Variants in NELL1 observed in about 807,000 individuals in gnomAD.
The protein encoded by NELL1 is neural EGFL like 1.
A neutral mutation model predicts 107.4 loss-of-function variants in NELL1; 76 were observed. The ratio of observed to expected loss-of-function variants is 0.71; its 90% CI spans 0.59 to 0.86. The LOEUF (loss-of-function observed/expected upper bound fraction) is 0.86, where lower values mean the gene tolerates loss of function less well. NELL1 is among the 40% of genes least tolerant of loss of function. The pLI is 0.00. For synonymous variants in NELL1, 353 were observed against 341.2 expected, an observed-to-expected ratio of 1.03 and a Z score of -0.38; for missense variants, 1,024 against 1,005.5, an observed-to-expected ratio of 1.02 and a Z score of -0.25.
intron 15 of NELL1, among the ~76,000 whole-genome samples, chr11:21,500,094 T>G (rs368199555): frequency 1.3e-5 from 2 of 152,162 alleles, no homozygotes; most frequent in East Asian, 3.8e-4. Flanking sequence ...GAATTTATTA[T>G]TTTGATCATC....
chr11:21,172,097 C>T (rs756777024), intron 13 of NELL1, among the ~76,000 whole-genome samples: 1 of 130,542 alleles, frequency 7.7e-6, no homozygotes, highest in Non-Finnish European at 1.7e-5. Flanking sequence ...CCAAGAAGGG[C>T]GTTTTAAAAA....
chr11:20,731,319 A>G (rs1297726806), intron 2 of NELL1, among the ~76,000 whole-genome samples: 1 of 152,226 alleles, frequency 6.6e-6, no homozygotes, highest in Non-Finnish European at 1.5e-5. Flanking sequence ...GCACAAATTA[A>G]GACCACATAG....
chr11:21,315,169 C>T (rs1849849349), intron 14 of NELL1, among the ~76,000 whole-genome samples: 1 of 152,092 alleles, frequency 6.6e-6, no homozygotes, highest in Non-Finnish European at 1.5e-5. Flanking sequence ...GAGCTCTTAA[C>T]CAGTACACAA....
At chr11:21,045,582 C>G (rs527471222) in intron 12 of NELL1, among the ~76,000 whole-genome samples, 212 of 152,268 alleles carry the variant, frequency 1.4e-3, no homozygotes, top group African/African-American at 4.8e-3. Flanking sequence ...CCAAGAAGCT[C>G]TGCTGGAAAG....
chr11:20,766,218 G>A (rs1055676304), intron 2 of NELL1, among the ~76,000 whole-genome samples: 2 of 152,178 alleles, frequency 1.3e-5, no homozygotes, highest in African/African-American at 4.8e-5. Flanking sequence ...TGGGCTGGAT[G>A]GCAGTAATAG....
At chr11:21,313,229 A>G (rs1250800023) in intron 14 of NELL1, among the ~76,000 whole-genome samples, 1 of 152,108 alleles carries the variant, frequency 6.6e-6, no homozygotes, top group African/African-American at 2.4e-5. Context: ...GATCTGTTGA[A>G]TCTATCAGCA....
intron 14 of NELL1, among the ~76,000 whole-genome samples, chr11:21,307,766 C>A (rs560624138): frequency 4.2e-4 from 64 of 152,006 alleles, no homozygotes; most frequent in Admixed American, 7.9e-4. Context: ...TATACTCTTT[C>A]AAAAGAGAGG....
At chr11:21,544,117 T>C (rs77386834) in intron 16 of NELL1, among the ~76,000 whole-genome samples, 18,875 of 151,978 alleles carry the variant, frequency 0.12, 1,236 homozygotes, top group Middle Eastern at 0.18. Flanking sequence ...TACAGGCATA[T>C]GGGGAGCCAG....
intron 12 of NELL1, among the ~76,000 whole-genome samples, chr11:21,068,469 G>T (rs1853933506): frequency 6.6e-6 from 1 of 152,140 alleles, no homozygotes. Context: ...AATTCTATAA[G>T]AATTAGAATC....
intron 15 of NELL1, among the ~76,000 whole-genome samples, chr11:21,460,237 T>G (rs1267808198): frequency 2.0e-5 from 3 of 152,056 alleles, no homozygotes; most frequent in African/African-American, 7.2e-5. Context: ...GGTAAATGTT[T>G]GTTGATTGGA....
At chr11:21,382,890 T>A (rs1280260329) in intron 15 of NELL1, among the ~76,000 whole-genome samples, 1 of 151,836 alleles carries the variant, frequency 6.6e-6, no homozygotes, top group Non-Finnish European at 1.5e-5. Context: ...TAATCCTATA[T>A]CCTGGGAAAT....
intron 2 of NELL1, among the ~76,000 whole-genome samples, chr11:20,688,320 GA>G (rs1243551012): frequency 6.6e-6 from 1 of 152,016 alleles, no homozygotes; most frequent in African/African-American, 2.4e-5. Context: ...GTGTATAATT[GA>G]TCTGGTTACC....
chr11:20,746,566 TCACACACACACACACACACA>T (rs10556247), intron 2 of NELL1, among the ~76,000 whole-genome samples: 4 of 149,380 alleles, frequency 2.7e-5, no homozygotes, highest in South Asian at 2.2e-4. Context: ...GTGACAGATT[TCACACACACACACACACACA>T]CACACACACA....
At position 20,988,887 on chromosome 11, in the gene NELL1, C is replaced by T. The variant is rs551524348; in HGVS notation, c.1300+28327C>T. ...ATAGGTATGAGCCACCGTGCCCGGC[C>T]GAGGTTTGCTATTTTCTCACCTTGG... is the stretch of plus-strand genomic sequence containing the variant. On this transcript the variant is annotated intron_variant, in intron 12 of 19. Transcript: ENST00000357134. Among the ~76,000 whole-genome samples, 8 of 152,156 alleles carry T rather than the reference C, an allele frequency of 5.3e-5. No homozygotes were observed. The South Asian group carries it at 1.5e-3, about 28-fold the overall frequency.
chr11:21,125,531 T>G (rs912663065), intron 13 of NELL1, among the ~76,000 whole-genome samples: 33 of 152,196 alleles, frequency 2.2e-4, no homozygotes, highest in African/African-American at 7.7e-4. Flanking sequence ...GAGATTGTGG[T>G]CTCTTTGGGA....
intron 4 of NELL1, among the ~76,000 whole-genome samples, chr11:20,874,893 T>C (rs1849273606): frequency 6.6e-6 from 1 of 152,258 alleles, no homozygotes; most frequent in Non-Finnish European, 1.5e-5. Context: ...GACCTTATTA[T>C]GGCCTCCCTA....
At chr11:20,806,670 A>G (rs1486217534) in intron 3 of NELL1, among the ~76,000 whole-genome samples, 1 of 152,064 alleles carries the variant, frequency 6.6e-6, no homozygotes, top group African/African-American at 2.4e-5. Flanking sequence ...CCAATAACTC[A>G]TAGATTTGCC....
intron 13 of NELL1, among the ~76,000 whole-genome samples, chr11:21,188,416 A>G (rs1365134138): frequency 1.3e-5 from 2 of 151,762 alleles, no homozygotes; most frequent in Non-Finnish European, 2.9e-5. Context: ...TAGCAGGTTT[A>G]TGTGTTGGCA....
At chr11:21,262,235 T>C (rs1442028353) in intron 14 of NELL1, among the ~76,000 whole-genome samples, 2 of 151,864 alleles carry the variant, frequency 1.3e-5, no homozygotes, top group Non-Finnish European at 1.5e-5. Flanking sequence ...CACAGTTTGG[T>C]TGATTTCCAG....
Sources: allele counts gnomAD v4.1 joint callset (sites outside exome capture counted in the v4.1 genomes callset), GRCh38; gene constraint gnomAD v4.1.1; transcripts MANE v1.5; gene names NCBI Gene and HGNC (gene_info 2026-07-23, HGNC 2026-07-21).